The following ADAMTSL1 variants were observed in gnomAD, a reference collection of about 807,000 sequenced individuals.
ADAMTSL1 encodes ADAMTS-like protein 1.
Under a neutral mutation model 201.8 loss-of-function variants are expected in ADAMTSL1, and 126 were observed. The observed-to-expected ratio is 0.62, with a 90% confidence interval of 0.54 to 0.72. The LOEUF is 0.72. Among genes scored for constraint, ADAMTSL1 ranks in the 30% least tolerant of loss-of-function variants. The pLI is 0.00. For synonymous variants in ADAMTSL1, 1,121 were observed against 903.4 expected, an observed-to-expected ratio of 1.24 and a Z score of -4.32; for missense variants, 2,679 against 2,277.8, an observed-to-expected ratio of 1.18 and a Z score of -3.59.
At chr9:17,922,933 A>C (rs1826366762) in intron 1 of ADAMTSL1, among the ~76,000 whole-genome samples, 1 of 152,122 alleles carries the variant, frequency 6.6e-6, no homozygotes, top group African/African-American at 2.4e-5. Flanking sequence ...GAAAGCCCCA[A>C]CCCTTACGCC....
chr9:18,143,130 C>G (rs1381629994), intron 1 of ADAMTSL1, among the ~76,000 whole-genome samples: 1 of 152,136 alleles, frequency 6.6e-6, no homozygotes, highest in Non-Finnish European at 1.5e-5. Flanking sequence ...AGCTTGTAAT[C>G]AGAAGGCTTA....
At chr9:18,758,396 TG>T (rs989948884) in intron 16 of ADAMTSL1, among the ~76,000 whole-genome samples, 13 of 152,356 alleles carry the variant, frequency 8.5e-5, no homozygotes, top group African/African-American at 3.1e-4. Context: ...ACAAACTTGG[TG>T]GCTTAAAACA....
At chr9:18,162,951 A>G (rs1827460008) in intron 1 of ADAMTSL1, among the ~76,000 whole-genome samples, 1 of 152,018 alleles carries the variant, frequency 6.6e-6, no homozygotes, top group African/African-American at 2.4e-5. Flanking sequence ...TAAGCATTTT[A>G]CATGTTATTT....
chr9:17,987,015 G>C (rs1449347337), intron 1 of ADAMTSL1, among the ~76,000 whole-genome samples: 1 of 152,140 alleles, frequency 6.6e-6, no homozygotes, highest in African/African-American at 2.4e-5. Context: ...TTTACAGCTT[G>C]TTAGGGGAAG....
chr9:18,716,728 C>G (rs982003543), intron 14 of ADAMTSL1, among the ~76,000 whole-genome samples: 1 of 148,470 alleles, frequency 6.7e-6, no homozygotes, highest in Admixed American at 6.8e-5. Flanking sequence ...TCCAGCCATC[C>G]CATTACTGGG....
At chr9:18,496,290 G>T (rs1224907418) in intron 1 of ADAMTSL1, among the ~76,000 whole-genome samples, 1 of 152,148 alleles carries the variant, frequency 6.6e-6, no homozygotes. Context: ...CTGAACTTAA[G>T]CAAAAGTAGA....
intron 4 of ADAMTSL1, among the ~76,000 whole-genome samples, chr9:18,615,574 A>G (rs1222281782): frequency 6.6e-6 from 1 of 152,188 alleles, no homozygotes; most frequent in East Asian, 1.9e-4. Context: ...TAGTCAAAAA[A>G]TCTCAAGGTG....
In ADAMTSL1 at chr9:18,395,200, A is replaced by G. The variant is rs546790624; in HGVS notation, c.208-109629A>G. ...CATTATGTCATGGAAAAGCAACAGT[A>G]AGATCTGTAAACTGCCTTTCAAAAC... On this transcript the variant is annotated intron_variant, in intron 2 of 29. Coordinates refer to the ADAMTSL1 transcript ENST00000680146. Among the ~76,000 whole-genome samples, 15 of 152,330 alleles carry G rather than the reference A, an allele frequency of 9.8e-5. No individual in the cohort carries two copies. In the South Asian group the frequency reaches 3.1e-3, roughly 32 times the overall value.
chr9:18,351,265 G>GA lies in ADAMTSL1; in HGVS notation c.208-153554dup, dbSNP rs1222233600. Among the ~76,000 whole-genome samples the GA allele has an allele frequency of 5.8e-3, 802 of 138,978 alleles. 7 individuals are homozygous for GA. The highest frequency in any genetic ancestry group is 0.02 in the African/African-American group (744 of 37,760). The allele number at this position is 138,978 out of a possible 152,430, so 91.2% of individuals were successfully genotyped here. Reference sequence around the variant, plus strand: ...TAAGATGAAAGACCAAAAAAAAAAAGAAAAAAAAAAGAAAAAGAAAAACTT... The same window carrying GA: ...TAAGATGAAAGACCAAAAAAAAAAAGAAAAAAAAAAAGAAAAAGAAAAACTT... On this transcript the variant is annotated intron_variant, in intron 2 of 29. Coordinates refer to the ADAMTSL1 transcript ENST00000680146.
At chr9:18,254,729 G>C (rs1412046850) in intron 2 of ADAMTSL1, among the ~76,000 whole-genome samples, 1 of 145,648 alleles carries the variant, frequency 6.9e-6, no homozygotes, top group Non-Finnish European at 1.5e-5. Flanking sequence ...GAAGAGAATT[G>C]TGAGTGGAGC....
In ADAMTSL1 at chr9:18,398,093, G is replaced by A. The variant is rs576024565; in HGVS notation, c.208-106736G>A. Among the ~76,000 whole-genome samples, 33 of 152,134 alleles carry A rather than the reference G, an allele frequency of 2.2e-4. 1 individual carries two copies. Among genetic ancestry groups the A allele is most frequent in the African/African-American group, 7.5e-4 (31 of 41,526 alleles). On this transcript the variant is annotated intron_variant, in intron 2 of 29. Transcript: ENST00000680146. ...ATCTAACAGCTGGCTTTATAGTATT[G>A]GTTTTCAACACTCTCTTTCCATCAG... is the stretch of plus-strand genomic sequence containing the variant.
intron 2 of ADAMTSL1, among the ~76,000 whole-genome samples, chr9:18,254,431 C>T (rs1320719773): frequency 7.7e-6 from 1 of 129,406 alleles, no homozygotes; most frequent in Non-Finnish European, 1.6e-5. Context: ...GGCGCGATCT[C>T]AGCTCACTGC....
chr9:18,440,131 A>T lies in ADAMTSL1; in HGVS notation c.208-64698A>T, dbSNP rs114956148. ...TGTTTTTGGTAATATTCTCAGGTAG[A>T]CTTCCTTGCATTATTCTTCTTGATT... On this transcript the variant is annotated intron_variant, in intron 2 of 29. Transcript: ENST00000680146. Among the ~76,000 whole-genome samples the T allele has an allele frequency of 4.9e-3, 740 of 152,290 alleles. 6 individuals are homozygous for T. Among genetic ancestry groups the T allele is most frequent in the African/African-American group, 0.013 (557 of 41,542 alleles).
At chr9:18,613,816 A>G (rs1278850810) in intron 4 of ADAMTSL1, among the ~76,000 whole-genome samples, 1 of 152,148 alleles carries the variant, frequency 6.6e-6, no homozygotes, top group Non-Finnish European at 1.5e-5. Flanking sequence ...TAATCTGTAC[A>G]ATATAGCCCA....
chr9:17,979,816 G>T (rs1475548591), intron 1 of ADAMTSL1, among the ~76,000 whole-genome samples: 1 of 152,120 alleles, frequency 6.6e-6, no homozygotes, highest in African/African-American at 2.4e-5. Context: ...AGGGATTCTG[G>T]TTCAGTCAGC....
intron 2 of ADAMTSL1, among the ~76,000 whole-genome samples, chr9:18,350,001 A>G (rs112270084): frequency 0.015 from 2,252 of 152,066 alleles, 34 homozygotes; most frequent in Middle Eastern, 0.031. Context: ...ACAAAAAAGC[A>G]CAATGTGTTG....
At position 18,622,407 on chromosome 9, in the gene ADAMTSL1, G is replaced by A. The variant is rs530428407; in HGVS notation, c.601+38G>A. 53 of 1,613,778 alleles carry A rather than the reference G, an allele frequency of 3.3e-5. No homozygotes were observed. In the East Asian group the frequency reaches 1.1e-3, roughly 33 times the overall value. On this transcript the variant is annotated intron_variant, in intron 5 of 28. Transcript: ENST00000380548. ...GAGATGGGCGACCTTTGGACTTGTT[G>A]ACTTATCCTCTCCTGGCTTAGGTCT...
intron 19 of ADAMTSL1, among the ~76,000 whole-genome samples, chr9:18,791,235 A>G (rs924026303): frequency 6.6e-6 from 1 of 152,140 alleles, no homozygotes; most frequent in African/African-American, 2.4e-5. Flanking sequence ...GGTGCTTCCC[A>G]GAGAGCCCTG....
At chr9:18,288,859 G>C (rs1317027608) in intron 2 of ADAMTSL1, among the ~76,000 whole-genome samples, 1 of 152,136 alleles carries the variant, frequency 6.6e-6, no homozygotes, top group African/African-American at 2.4e-5. Context: ...AAGCCAGTGT[G>C]GTATAAATGG....
Sources: allele counts gnomAD v4.1 joint callset (sites outside exome capture counted in the v4.1 genomes callset), GRCh38; gene constraint gnomAD v4.1.1; transcripts MANE v1.5; gene names NCBI Gene and HGNC (gene_info 2026-07-23, HGNC 2026-07-21).